The following DIABLO variants were observed in gnomAD, a reference collection of about 807,000 sequenced individuals.
DIABLO encodes diablo homolog, mitochondrial.
A neutral mutation model predicts 31.7 loss-of-function variants in DIABLO; 32 were observed. That is an observed-to-expected ratio of 1.01 (90% CI 0.76 to 1.35). The LOEUF is 1.35. Ranked by LOEUF, DIABLO falls within the 40% of genes most tolerant of loss-of-function variation. The pLI is 0.00. For synonymous variants in DIABLO, 132 were observed against 103.2 expected, an observed-to-expected ratio of 1.28 and a Z score of -1.69; for missense variants, 316 against 286.4, an observed-to-expected ratio of 1.10 and a Z score of -0.75.
chr12:122,212,594 T>C (rs984909205), intron 5 of DIABLO, among the ~76,000 whole-genome samples: 3 of 151,998 alleles, frequency 2.0e-5, no homozygotes, highest in African/African-American at 7.3e-5. Flanking sequence ...CTTTTTGTTA[T>C]GCTGTTACTT....
At chr12:122,224,395 G>C in intron 2 of DIABLO, 117 bp downstream of exon 2, 1 of 1,481,282 alleles carries the variant, frequency 6.8e-7, no homozygotes, top group Non-Finnish European at 9.4e-7. Context: ...CGGTACTGTG[G>C]GGGAAGGGAT....
chr12:122,217,198 T>C (rs1954234328), intron 3 of DIABLO: 1 of 342,574 alleles, frequency 2.9e-6, no homozygotes, highest in African/African-American at 2.1e-5. Flanking sequence ...TTCAATACTT[T>C]TGATTATCCA....
At chr12:122,214,057 C>A (rs1370821274) in intron 5 of DIABLO, among the ~76,000 whole-genome samples, 2 of 151,966 alleles carry the variant, frequency 1.3e-5, no homozygotes, top group Non-Finnish European at 2.9e-5. Flanking sequence ...TGCACTCCAG[C>A]CTGGGGGATG....
At chr12:122,222,249 ACTC>A (rs1334808988) in intron 2 of DIABLO, 1 of 151,628 alleles carries the variant, frequency 6.6e-6, no homozygotes, top group African/African-American at 2.4e-5. Context: ...TTCAAAACCC[ACTC>A]CTCTCCATCC....
At chr12:122,225,025 C>T (rs748401362) in intron 1 of DIABLO, 10 of 385,266 alleles carry the variant, frequency 2.6e-5, no homozygotes, top group African/African-American at 4.2e-5. Flanking sequence ...TCTGCCTGAC[C>T]AACATGGTGA....
At chr12:122,213,837 C>G (rs1415594728) in intron 5 of DIABLO, among the ~76,000 whole-genome samples, 1 of 152,144 alleles carries the variant, frequency 6.6e-6, no homozygotes, top group African/African-American at 2.4e-5. Flanking sequence ...GTAATCCCAG[C>G]ACTTTGGGAG....
chr12:122,224,679 C>G (rs368252585), intron 1 of DIABLO, 35 bp from the exon 2 acceptor site: 1 of 1,614,020 alleles, frequency 6.2e-7, no homozygotes, highest in Middle Eastern at 1.7e-4. Flanking sequence ...AAGGCACGAC[C>G]GCCAATCTGT....
chr12:122,208,307 C>G lies in DIABLO; in HGVS notation c.*74G>C. ...TCTTCTCGGTGCACAGACAGTCATG[C>G]CAACCCTGGGCAGGGTGGCATCTGC... On this transcript the variant is annotated 3_prime_UTR_variant, in exon 6 of 6. Coordinates refer to ENST00000464942, the MANE Select transcript of DIABLO (RefSeq NM_001371333.1). 6.4e-7 allele frequency: 1 copy of G among 1,565,622 alleles called. No individual in the cohort carries two copies. Among genetic ancestry groups the G allele is most frequent in the Non-Finnish European group, 8.7e-7 (1 of 1,146,142 alleles).
rs1340840300 is a variant in DIABLO at position 122,209,720 on chromosome 12, C to T, written c.524-1143G>A. On this transcript the variant is annotated intron_variant, in intron 5 of 5. Coordinates refer to ENST00000464942, the MANE Select transcript of DIABLO (RefSeq NM_001371333.1). ...ACCTGCTGCTAGTTAGTGTATTTCA[C>T]CATCTGGGTATATACATTTTATCAA... 1.1e-5 allele frequency: 8 copies of T among 700,422 alleles called. No individual in the cohort carries two copies. The East Asian group carries it at 1.9e-4, about 16-fold the overall frequency. 43.4% of individuals were successfully genotyped at this position (700,422 alleles called of 1,614,324 possible). A position where few individuals can be genotyped will look rare whatever the true frequency, so the allele number is the denominator to read the frequency against.
intron 5 of DIABLO, chr12:122,209,828 T>C (rs923782629): frequency 5.7e-6 from 4 of 703,240 alleles, no homozygotes; most frequent in Non-Finnish European, 2.6e-6. Flanking sequence ...ATGGCAGGCA[T>C]CCTCCTCTTC....
Position 122,218,662 on chromosome 12 carries a change from C to T in DIABLO, c.184-265G>A, listed in dbSNP as rs528856928. ...TCTTTACATATAAAATAAATTGTGG[C>T]GGGGTACGGTGGCTCACACCTGTAA... On this transcript the variant is annotated intron_variant, in intron 2 of 5. Coordinates refer to ENST00000464942, the MANE Select transcript of DIABLO (RefSeq NM_001371333.1). The T allele has an allele frequency of 7.9e-5, 34 of 430,398 alleles. 1 individual carries two copies. Among genetic ancestry groups the T allele is most frequent in the Non-Finnish European group, 1.1e-4 (25 of 232,434 alleles). 26.7% of individuals were successfully genotyped at this position (430,398 alleles called of 1,614,324 possible). A position where few individuals can be genotyped will look rare whatever the true frequency, so the allele number is the denominator to read the frequency against.
Position 122,218,342 on chromosome 12 carries a change from A to G in DIABLO, c.239T>C (p.Leu80Ser), listed in dbSNP as rs962688195. The G allele has an allele frequency of 1.2e-6, 2 of 1,614,064 alleles. No homozygotes were observed. The highest frequency in any genetic ancestry group is 1.7e-6 in the Non-Finnish European group (2 of 1,180,046). The change falls in exon 3 of 6, where the codon TTG becomes TCG. Residue 80 changes from leucine (L) to serine (S), a missense_variant. Leu to Ser is a moderately radical substitution (Grantham distance 145). Coordinates refer to ENST00000464942, the MANE Select transcript of DIABLO (RefSeq NM_001371333.1). The part of the protein sequence containing the change: ...SEALMRRAVS[L>S]VTDSTSTFLS... ...AAAGGTAGAGGTGCTATCTGTTACC[A>G]AAGACACTGCTCTCCTCATCAATGC...
chr12:122,214,425 A>G (rs1446062098), intron 5 of DIABLO, among the ~76,000 whole-genome samples: 2 of 152,162 alleles, frequency 1.3e-5, no homozygotes, highest in Non-Finnish European at 2.9e-5. Context: ...GTATGTTTTA[A>G]TATAACAATT....
Position 122,224,536 on chromosome 12 carries a change from G to C in DIABLO, c.159C>G (p.Thr53=). The change falls in exon 2 of 6, where the codon ACC becomes ACG. Residue 53 remains threonine (T), a synonymous_variant. Coordinates refer to ENST00000464942, the MANE Select transcript of DIABLO (RefSeq NM_001371333.1). ...CCTGTGCAATAGGAACCGCACACAG[G>C]GTTACTCCAAAGCCAATCGTCACAG... The part of the protein sequence containing the change: ...HKTVTIGFGV[T]LCAVPIAQKS... 6.2e-7 allele frequency: 1 copy of C among 1,613,358 alleles called. No individual in the cohort carries two copies.
chr12:122,209,656 C>CGT, intron 5 of DIABLO: 1 of 677,410 alleles, frequency 1.5e-6, no homozygotes, highest in South Asian at 1.6e-5. Flanking sequence ...GAGTGAAACT[C>CGT]GTCTCCCCCC....
intron 1 of DIABLO, 160 bp from the exon 2 acceptor site, chr12:122,224,804 T>G: frequency 1.9e-6 from 3 of 1,538,810 alleles, no homozygotes; most frequent in Non-Finnish European, 2.6e-6. Context: ...ATACACCAAG[T>G]TTAAAATGTT....
chr12:122,209,033 G>A, intron 5 of DIABLO: 1 of 302,252 alleles, frequency 3.3e-6, no homozygotes, highest in East Asian at 9.2e-5. Flanking sequence ...AGCATAAAAG[G>A]TATTAAATAT....
At chr12:122,225,211 T>A (rs1954427593) in intron 1 of DIABLO, 1 of 191,640 alleles carries the variant, frequency 5.2e-6, no homozygotes. Context: ...AGACTGAGTC[T>A]CAAACAAAAC....
rs1954208784 is a variant in DIABLO, at chr12:122,216,231, G to A, written c.523+257C>T. ...TTGGAAGCAATCCAATTTTCCAATG[G>A]TAATAGTTTTATCATTTTTCATTTT... is the stretch of plus-strand genomic sequence containing the variant. On this transcript the variant is annotated intron_variant, in intron 5 of 5. Coordinates refer to ENST00000464942, the MANE Select transcript of DIABLO (RefSeq NM_001371333.1). 2.0e-5 allele frequency among the ~76,000 whole-genome samples: 3 copies of A among 152,098 alleles called. No individual in the cohort carries two copies. The South Asian group carries it at 6.2e-4, about 32-fold the overall frequency.
Sources: gnomAD v4.1 joint callset for allele counts (sites outside exome capture counted in the v4.1 genomes callset) on GRCh38, gnomAD v4.1.1 for gene constraint, MANE v1.5 for transcripts, NCBI Gene and HGNC (gene_info 2026-07-23, HGNC 2026-07-21) for gene names.